MED17: variants seen among roughly 807,000 people sequenced by gnomAD.
MED17 encodes the protein mediator complex subunit 17.
A neutral mutation model predicts 80.8 loss-of-function variants in MED17; 49 were observed. The observed-to-expected ratio is 0.61, with a 90% CI of 0.48 to 0.77. The LOEUF (loss-of-function observed/expected upper bound fraction) is 0.77. Ranked by LOEUF, MED17 falls within the 30% of genes least tolerant of loss-of-function variation. MED17 has a pLI of 0.00. For missense variants in MED17, 718 were observed against 787.0 expected, an observed-to-expected ratio of 0.91 and a Z score of 1.05; for synonymous variants, 281 against 280.4, an observed-to-expected ratio of 1.00 and a Z score of -0.02.
In MED17 at chr11:93,794,036, G is replaced by A. The variant is rs1359164384; in HGVS notation, c.859+1G>A. The A allele has an allele frequency of 6.2e-7, 1 of 1,608,522 alleles. No individual in the cohort carries two copies. Among genetic ancestry groups the A allele is most frequent in the Non-Finnish European group, 8.5e-7 (1 of 1,175,158 alleles). On this transcript the variant is annotated splice_donor_variant, in intron 5 of 11. Coordinates refer to ENST00000251871, the MANE Select transcript of MED17 (RefSeq NM_004268.5). LOFTEE classifies it high-confidence loss of function. ...CGACCTTTGCCCAAATCCAAACCAGGTATGGTTATGTTCTATTCTCTAATT... is the reference window on the plus strand; with the variant it reads ...CGACCTTTGCCCAAATCCAAACCAGATATGGTTATGTTCTATTCTCTAATT...
chr11:93,787,937 A>G lies in MED17; in HGVS notation c.251-64A>G, dbSNP rs983859267. 1.0e-5 allele frequency: 14 copies of G among 1,334,384 alleles called. No homozygotes were observed. In the African/African-American group the frequency reaches 1.6e-4, roughly 15 times the overall value. 82.7% of individuals were successfully genotyped at this position (1,334,384 alleles called of 1,614,324 possible). A position where few individuals can be genotyped will look rare whatever the true frequency, so the allele number is the denominator to read the frequency against. ...TTTTAGTACTTTTTAAACCTAAGTG[A>G]GCTGTCTGCCATTCAATGTAACGAA... On this transcript the variant is annotated intron_variant, in intron 1 of 11. Coordinates refer to ENST00000251871, the MANE Select transcript of MED17 (RefSeq NM_004268.5).
Position 93,796,325 on chromosome 11 carries a change from A to T in MED17, c.1013-85A>T, listed in dbSNP as rs1289378390. Reference sequence around the variant, plus strand: ...GTTTAGAATATATCTTTTGAAAATGAACTATGATTATACTTTATGAAGACA... The same window carrying T: ...GTTTAGAATATATCTTTTGAAAATGTACTATGATTATACTTTATGAAGACA... On this transcript the variant is annotated intron_variant, in intron 6 of 11. Transcript: ENST00000251871. 4.1e-6 allele frequency: 5 copies of T among 1,211,412 alleles called. No individual in the cohort carries two copies. The African/African-American group carries it at 4.5e-5, about 11-fold the overall frequency. 75.0% of individuals were successfully genotyped at this position (1,211,412 alleles called of 1,614,324 possible).
At chr11:93,796,719 C>T (rs527271765) in intron 7 of MED17, among the ~76,000 whole-genome samples, 179 bp downstream of exon 7, 1 of 152,276 alleles carries the variant, frequency 6.6e-6, no homozygotes, top group East Asian at 1.9e-4. Context: ...AATACTGTCC[C>T]TGTTCCCAAA....
chr11:93,811,807 A>G, intron 11 of MED17, 46 bp from the exon 12 acceptor site: 1 of 1,476,830 alleles, frequency 6.8e-7, no homozygotes, highest in Non-Finnish European at 9.5e-7. Context: ...TGTTATTTCT[A>G]GTTTGGTAAA....
Position 93,790,738 on chromosome 11 carries a change from GA to G in MED17, c.585del (p.Lys195AsnfsTer13). On this transcript the variant is annotated frameshift_variant, in exon 3 of 12. Coordinates refer to ENST00000251871, the MANE Select transcript of MED17 (RefSeq NM_004268.5). LOFTEE classifies it high-confidence loss of function. The part of the protein sequence containing the change: ...SELLRLRQHW[K>X]LRKVGDKILG... ...AGCTTTTGCGATTACGGCAACACTG[GA>G]AACTTCGAAAAGTTGGAGATAAAAT... 1.2e-6 allele frequency: 2 copies of G among 1,614,204 alleles called. No homozygotes were observed. The highest frequency in any genetic ancestry group is 4.5e-5 in the East Asian group (2 of 44,884).
chr11:93,792,386 G>T (rs1943846548), intron 3 of MED17, among the ~76,000 whole-genome samples: 2 of 152,106 alleles, frequency 1.3e-5, no homozygotes, highest in South Asian at 4.2e-4. Context: ...TTTAATAGGT[G>T]GTCTGTAGAA....
At position 93,807,568 on chromosome 11, in the gene MED17, A is replaced by G. The variant is rs1944039875; in HGVS notation, c.1517A>G (p.His506Arg). ...NIGVEQIRVV[H>R]RDGRVITLSY... ...GGAGTTGAGCAGATTCGAGTTGTAC[A>G]TAGAGATGGAAGAGTAATTACACTG... The change falls in exon 10 of 12, where the codon CAT becomes CGT. Residue 506 changes from histidine (H) to arginine (R), a missense_variant. Physicochemically the swap from His to Arg is conservative, Grantham distance 29. Transcript: ENST00000251871. 3.7e-6 allele frequency: 6 copies of G among 1,613,720 alleles called. No individual in the cohort carries two copies. The highest frequency in any genetic ancestry group is 2.7e-5 in the African/African-American group (2 of 75,028).
chr11:93,801,709 C>T (rs1943963318), intron 8 of MED17, 126 bp from the exon 9 acceptor site: 1 of 855,690 alleles, frequency 1.2e-6, no homozygotes. Context: ...TTAAAGTCTG[C>T]CTACACATAG....
At chr11:93,795,209 C>A in intron 6 of MED17, 149 bp downstream of exon 6, 2 of 873,654 alleles carry the variant, frequency 2.3e-6, no homozygotes, top group Non-Finnish European at 1.9e-6. Flanking sequence ...AAGCATGTAA[C>A]ACAAACTATA....
intron 8 of MED17, among the ~76,000 whole-genome samples, chr11:93,798,786 A>G (rs1943931996): frequency 6.6e-6 from 1 of 152,206 alleles, no homozygotes; most frequent in Admixed American, 6.5e-5. Flanking sequence ...TCTTATAAGT[A>G]ATAAAGCATT....
At chr11:93,797,105 G>C (rs1263760765) in intron 7 of MED17, 10 of 209,762 alleles carry the variant, frequency 4.8e-5, no homozygotes, top group Non-Finnish European at 5.8e-5. Flanking sequence ...TCTAATCTAG[G>C]GTATAGTGAA....
chr11:93,801,564 TAG>T (rs1943962030), intron 8 of MED17: 2 of 391,470 alleles, frequency 5.1e-6, no homozygotes, highest in Admixed American at 4.0e-5. Context: ...AGAAAATGAA[TAG>T]AGTTAAAGGG....
At chr11:93,795,688 T>C (rs1167148169) in intron 6 of MED17, 1 of 153,544 alleles carries the variant, frequency 6.5e-6, no homozygotes, top group Non-Finnish European at 1.4e-5. Flanking sequence ...ACTTGTTTTT[T>C]ACATAAATTC....
chr11:93,803,127 G>A (rs1481537696), intron 9 of MED17, among the ~76,000 whole-genome samples: 1 of 152,146 alleles, frequency 6.6e-6, no homozygotes. Flanking sequence ...CTACAGGTGT[G>A]CACTACGATA....
At chr11:93,799,223 C>T (rs887881886) in intron 8 of MED17, among the ~76,000 whole-genome samples, 1 of 149,432 alleles carries the variant, frequency 6.7e-6, no homozygotes, top group Middle Eastern at 3.6e-3. Context: ...ACTGTGTCAC[C>T]CAGGCTGGAG....
intron 11 of MED17, chr11:93,810,690 C>T (rs1944077130): frequency 6.6e-6 from 1 of 152,232 alleles, no homozygotes; most frequent in African/African-American, 2.4e-5. Flanking sequence ...CGCACCCGGC[C>T]GAGGAGAAGT....
chr11:93,798,326 C>G (rs1943926867), intron 8 of MED17, among the ~76,000 whole-genome samples: 1 of 152,030 alleles, frequency 6.6e-6, no homozygotes, highest in African/African-American at 2.4e-5. Flanking sequence ...ATAAATGTAT[C>G]TTTTTCAGTG....
At chr11:93,799,746 C>G (rs1200801479) in intron 8 of MED17, among the ~76,000 whole-genome samples, 1 of 152,122 alleles carries the variant, frequency 6.6e-6, no homozygotes, top group Non-Finnish European at 1.5e-5. Flanking sequence ...CCGCTACACT[C>G]CAGTTGGGAT....
At chr11:93,794,451 G>T (rs192651753) in intron 5 of MED17, 20 of 248,688 alleles carry the variant, frequency 8.0e-5, no homozygotes, top group African/African-American at 4.2e-4. Context: ...TAATCCACCC[G>T]CCTTAGCCTC....
Sources: gnomAD v4.1 joint callset for allele counts (sites outside exome capture counted in the v4.1 genomes callset) on GRCh38, gnomAD v4.1.1 for gene constraint, MANE v1.5 for transcripts, NCBI Gene and HGNC (gene_info 2026-07-23, HGNC 2026-07-21) for gene names.